The following ELOVL6 variants were observed in gnomAD, a reference collection of about 807,000 sequenced individuals.
ELOVL6 encodes the protein ELOVL fatty acid elongase 6.
In ELOVL6, 8 loss-of-function variants were observed where a neutral mutation model predicts 31.7. That is an observed-to-expected ratio of 0.25 (90% CI 0.15 to 0.45). The LOEUF (loss-of-function observed/expected upper bound fraction) is 0.45, where lower values mean the gene tolerates loss of function less well. Among genes scored for constraint, ELOVL6 ranks in the 20% least tolerant of loss-of-function variants. ELOVL6 has a pLI of 1.00. For missense variants in ELOVL6, 126 were observed against 326.4 expected (o/e 0.39, Z 4.73); for synonymous variants, 101 against 117.7 (o/e 0.86, Z 0.92).
At chr4:110,085,733 T>G (rs1200596543) in intron 2 of ELOVL6, among the ~76,000 whole-genome samples, 2 of 152,166 alleles carry the variant, frequency 1.3e-5, no homozygotes, top group Non-Finnish European at 2.9e-5. Flanking sequence ...AGGCTCTACT[T>G]TTTTTGGAAA....
At chr4:110,094,193 G>A (rs543142084) in intron 2 of ELOVL6, among the ~76,000 whole-genome samples, 7 of 149,786 alleles carry the variant, frequency 4.7e-5, no homozygotes, top group South Asian at 2.1e-4. Flanking sequence ...AGGCTGCAGC[G>A]AGCCAAGATT....
At chr4:110,193,074 G>T (rs1470465145) in intron 1 of ELOVL6, among the ~76,000 whole-genome samples, 1 of 152,178 alleles carries the variant, frequency 6.6e-6, no homozygotes, top group Non-Finnish European at 1.5e-5. Context: ...TTGCAAGGAA[G>T]ACTTCAGGAA....
intron 1 of ELOVL6, among the ~76,000 whole-genome samples, chr4:110,186,816 A>ATATAT (rs1284641849): frequency 3.7e-5 from 4 of 107,640 alleles, no homozygotes; most frequent in African/African-American, 1.4e-4. Flanking sequence ...AAAAAAAAAA[A>ATATAT]AAAAAAATAT....
intron 1 of ELOVL6, among the ~76,000 whole-genome samples, chr4:110,162,187 C>G (rs1489396163): frequency 6.6e-6 from 1 of 152,094 alleles, no homozygotes; most frequent in African/African-American, 2.4e-5. Flanking sequence ...GAAAACTGAG[C>G]AAATGATTGA....
chr4:110,166,354 T>C (rs1758772827), intron 1 of ELOVL6, among the ~76,000 whole-genome samples: 1 of 152,176 alleles, frequency 6.6e-6, no homozygotes. Flanking sequence ...GGCTCACGCC[T>C]GTAATCCCAG....
chr4:110,142,273 C>T (rs1757987748), intron 1 of ELOVL6, among the ~76,000 whole-genome samples: 1 of 151,734 alleles, frequency 6.6e-6, no homozygotes. Flanking sequence ...TCTCGATCTC[C>T]TGACCTCATG....
intron 1 of ELOVL6, among the ~76,000 whole-genome samples, chr4:110,136,228 G>A (rs1332339822): frequency 3.9e-5 from 6 of 152,140 alleles, no homozygotes; most frequent in African/African-American, 7.2e-5. Flanking sequence ...CCCTTGAGTC[G>A]GAAAACACCC....
intron 1 of ELOVL6, among the ~76,000 whole-genome samples, chr4:110,154,000 A>G (rs1041551004): frequency 4.6e-5 from 7 of 152,362 alleles, no homozygotes; most frequent in African/African-American, 1.7e-4. Context: ...TATTAAAATT[A>G]CCAATTCCAC....
At chr4:110,054,173 T>A (rs1279487632) in intron 3 of ELOVL6, among the ~76,000 whole-genome samples, 1 of 152,152 alleles carries the variant, frequency 6.6e-6, no homozygotes, top group Non-Finnish European at 1.5e-5. Context: ...ACTGTCAAAT[T>A]TTTGTTGAAG....
At chr4:110,117,903 A>AAAAAAT in intron 1 of ELOVL6, 7 of 6,504 alleles carry the variant, frequency 1.1e-3, no homozygotes, top group Admixed American at 7.7e-3. Context: ...AAAAAAAAAA[A>AAAAAAT]ATATATATAT....
chr4:110,173,843 T>C (rs1759023793), intron 1 of ELOVL6, among the ~76,000 whole-genome samples: 1 of 150,412 alleles, frequency 6.6e-6, no homozygotes. Context: ...ATGGAGGAGG[T>C]TGGGAGGAGG....
chr4:110,065,064 C>T (rs1755257200), intron 2 of ELOVL6, among the ~76,000 whole-genome samples: 1 of 151,974 alleles, frequency 6.6e-6, no homozygotes, highest in African/African-American at 2.4e-5. Context: ...GTTTCTACAG[C>T]CTATTGCAGG....
intron 1 of ELOVL6, among the ~76,000 whole-genome samples, chr4:110,154,155 C>G (rs1316443591): frequency 6.6e-6 from 1 of 152,204 alleles, no homozygotes; most frequent in African/African-American, 2.4e-5. Flanking sequence ...TGGCTCACCA[C>G]AGCCTTCACA....
chr4:110,051,081 T>C lies in ELOVL6; in HGVS notation c.*257A>G. 1 of 477,360 alleles carries C rather than the reference T, an allele frequency of 2.1e-6. No homozygotes were observed. Among genetic ancestry groups the C allele is most frequent in the Non-Finnish European group, 3.8e-6 (1 of 264,548 alleles). 29.6% of individuals were successfully genotyped at this position (477,360 alleles called of 1,614,324 possible). ...CTTTTGTTCTCCCTTGTCCTAGAGT[T>C]GATAGATAAAGAGGGAATGGGGTCT... is the stretch of plus-strand genomic sequence containing the variant. On this transcript the variant is annotated 3_prime_UTR_variant, in exon 4 of 4. Transcript: ENST00000302274. The surrounding 1 kb of genome is among the most constrained non-coding windows in gnomAD (Gnocchi z 4.8).
intron 2 of ELOVL6, among the ~76,000 whole-genome samples, chr4:110,097,589 G>A (rs1334339319): frequency 1.3e-5 from 2 of 152,068 alleles, no homozygotes; most frequent in African/African-American, 2.4e-5. Context: ...AACAAAATAT[G>A]TTTTGGTGTC....
rs544715421 is a variant in ELOVL6, at chr4:110,140,059, G to A, written c.90-34431C>T. ...TCCCTGGCTGCCTTAGCTGGGACTGGCTGACATGCTTCTCAGGTTGCCGCT... is the reference window on the plus strand; with the variant it reads ...TCCCTGGCTGCCTTAGCTGGGACTGACTGACATGCTTCTCAGGTTGCCGCT... On this transcript the variant is annotated intron_variant, in intron 1 of 3. Coordinates refer to ENST00000302274, the MANE Select transcript of ELOVL6 (RefSeq NM_024090.3). Among the ~76,000 whole-genome samples, 14 of 152,292 alleles carry A rather than the reference G, an allele frequency of 9.2e-5. 1 individual carries two copies. The South Asian group carries it at 2.9e-3, about 32-fold the overall frequency.
At chr4:110,064,857 C>T (rs987227972) in intron 2 of ELOVL6, among the ~76,000 whole-genome samples, 8 of 152,154 alleles carry the variant, frequency 5.3e-5, no homozygotes, top group Non-Finnish European at 1.0e-4. Context: ...CACAATGGTA[C>T]TAGCTTGTGA....
chr4:110,194,085 G>A (rs756475568), intron 1 of ELOVL6, among the ~76,000 whole-genome samples: 48 of 152,224 alleles, frequency 3.2e-4, no homozygotes, highest in Non-Finnish European at 5.1e-4. Flanking sequence ...AAGGCAGAGA[G>A]AGCCCAGCTT....
chr4:110,164,646 G>A (rs1286005216), intron 1 of ELOVL6, among the ~76,000 whole-genome samples: 1 of 151,302 alleles, frequency 6.6e-6, no homozygotes, highest in African/African-American at 2.4e-5. Context: ...AGGATGAGGT[G>A]GGAGGACCGC....
Sources: allele counts gnomAD v4.1 joint callset (sites outside exome capture counted in the v4.1 genomes callset), GRCh38; gene constraint gnomAD v4.1.1; non-coding constraint Gnocchi (gnomAD v3.1); transcripts MANE v1.5; gene names NCBI Gene and HGNC (gene_info 2026-07-23, HGNC 2026-07-21).